KIAA1217: variants seen among roughly 807,000 people sequenced by gnomAD.
The protein encoded by KIAA1217 is KIAA1217.
In KIAA1217, 88 loss-of-function variants were observed where a neutral mutation model predicts 163.9. The observed-to-expected ratio is 0.54, with a 90% CI of 0.45 to 0.64. The LOEUF (loss-of-function observed/expected upper bound fraction) is 0.64. KIAA1217 is among the 30% of genes least tolerant of loss of function. The pLI is 0.00. For missense variants in KIAA1217, 2,372 were observed against 2,475.0 expected, an observed-to-expected ratio of 0.96 and a Z score of 0.88; for synonymous variants, 903 against 923.1, an observed-to-expected ratio of 0.98 and a Z score of 0.39.
chr10:23,809,225 T>C (rs1289961522), intron 1 of KIAA1217, among the ~76,000 whole-genome samples: 1 of 151,848 alleles, frequency 6.6e-6, no homozygotes. Context: ...AAAAGTAATA[T>C]TGGAAACATT....
At chr10:24,244,561 C>CTTTTTTTTTTTTT (rs11318420) in intron 2 of KIAA1217, among the ~76,000 whole-genome samples, 21 of 85,256 alleles carry the variant, frequency 2.5e-4, no homozygotes, top group East Asian at 2.9e-4. Context: ...TTCTTTCTTT[C>CTTTTTTTTTTTTT]TTTTTTTTTT....
At chr10:24,267,798 T>G (rs1254368117) in intron 2 of KIAA1217, among the ~76,000 whole-genome samples, 3 of 152,248 alleles carry the variant, frequency 2.0e-5, no homozygotes, top group Non-Finnish European at 4.4e-5. Flanking sequence ...GGCATAGTAC[T>G]TGGTATGAGT....
At chr10:23,869,505 A>G (rs1257063238) in intron 1 of KIAA1217, among the ~76,000 whole-genome samples, 1 of 152,066 alleles carries the variant, frequency 6.6e-6, no homozygotes, top group Non-Finnish European at 1.5e-5. Context: ...ATCAGACCAG[A>G]TGGGACTTCT....
At chr10:23,707,670 C>A (rs1052053215) in intron 1 of KIAA1217, among the ~76,000 whole-genome samples, 1 of 152,124 alleles carries the variant, frequency 6.6e-6, no homozygotes, top group Non-Finnish European at 1.5e-5. Flanking sequence ...AAAGTCCGGA[C>A]TTTACCACTA....
At chr10:23,970,902 G>A (rs182941200) in intron 1 of KIAA1217, among the ~76,000 whole-genome samples, 3 of 152,290 alleles carry the variant, frequency 2.0e-5, no homozygotes, top group East Asian at 1.9e-4. Flanking sequence ...TTCAACTGAG[G>A]GGGGGATAAG....
intron 2 of KIAA1217, among the ~76,000 whole-genome samples, chr10:24,294,824 G>C (rs149918036): frequency 5.3e-4 from 80 of 152,312 alleles, no homozygotes; most frequent in African/African-American, 1.8e-3. Flanking sequence ...TGAAAGGCAA[G>C]TGCAATTCGG....
chr10:24,158,740 G>A (rs2064989592), intron 2 of KIAA1217: 2 of 497,378 alleles, frequency 4.0e-6, no homozygotes, highest in Non-Finnish European at 8.1e-6. Flanking sequence ...GGTTATTTCT[G>A]ACAGATGAAA....
chr10:24,498,965 A>G (rs2067166609), intron 8 of KIAA1217, among the ~76,000 whole-genome samples: 1 of 152,204 alleles, frequency 6.6e-6, no homozygotes, highest in Non-Finnish European at 1.5e-5. Context: ...TGTAAGGAGA[A>G]AGAGGTATAG....
intron 6 of KIAA1217, among the ~76,000 whole-genome samples, chr10:24,483,524 G>A (rs1248080843): frequency 6.6e-6 from 1 of 152,196 alleles, no homozygotes; most frequent in Non-Finnish European, 1.5e-5. Flanking sequence ...GCACTAGAGA[G>A]ACCAAATATA....
intron 2 of KIAA1217, among the ~76,000 whole-genome samples, chr10:24,098,019 G>A (rs1013701742): frequency 2.0e-5 from 3 of 151,950 alleles, no homozygotes; most frequent in South Asian, 2.1e-4. Flanking sequence ...TGGAGCTGCC[G>A]CTGATCTTTG....
At chr10:24,204,366 C>CAA (rs1288781760), upstream of KIAA1217, among the ~76,000 whole-genome samples, 14 of 152,268 alleles carry the variant, frequency 9.2e-5, no homozygotes, top group South Asian at 2.9e-3. Context: ...ATCTATGAGT[C>CAA]ATATAGAAAT....
In KIAA1217 at chr10:23,935,401, ATCT is replaced by A. The variant is rs556761476; in HGVS notation, c.-320-71819_-320-71817del. 1.4e-3 allele frequency among the ~76,000 whole-genome samples: 220 copies of A among 152,326 alleles called. 3 individuals are homozygous for A. The highest frequency in any genetic ancestry group is 4.9e-3 in the African/African-American group (203 of 41,576). ...GCATTTTGAAGAGCTGCTAGCAAAC[ATCT>A]TCTTTAAAGAAATGTATTTTGTCTG... On this transcript the variant is annotated intron_variant, in intron 1 of 18. Transcript: ENST00000376462.
At chr10:24,135,176 T>C (rs1250440539) in intron 2 of KIAA1217, among the ~76,000 whole-genome samples, 2 of 152,166 alleles carry the variant, frequency 1.3e-5, no homozygotes, top group African/African-American at 4.8e-5. Context: ...CACTCCCTTC[T>C]CTTTCCTCCA....
intron 13 of KIAA1217, 50 bp downstream of exon 13, chr10:24,524,814 T>C (rs556484654): frequency 2.1e-6 from 3 of 1,443,074 alleles, no homozygotes; most frequent in Admixed American, 2.1e-5. Context: ...GTCTGATACA[T>C]GGACCTTTCC....
intron 1 of KIAA1217, among the ~76,000 whole-genome samples, chr10:23,931,887 T>G (rs889663458): frequency 3.9e-5 from 6 of 152,068 alleles, no homozygotes; most frequent in African/African-American, 1.2e-4. Flanking sequence ...GATAATGCAG[T>G]CCTCCAGGGC....
upstream of KIAA1217, among the ~76,000 whole-genome samples, chr10:24,205,826 C>T (rs773264758): frequency 8.6e-5 from 13 of 151,856 alleles, no homozygotes; most frequent in Non-Finnish European, 1.8e-4. Context: ...AGGAAGTTGA[C>T]ATGCTTTCCA....
intron 1 of KIAA1217, among the ~76,000 whole-genome samples, chr10:23,953,486 T>C (rs1367625128): frequency 1.3e-5 from 2 of 152,236 alleles, no homozygotes; most frequent in Non-Finnish European, 2.9e-5. Flanking sequence ...TATGTTTCAT[T>C]GTCTAGAAAA....
intron 2 of KIAA1217, among the ~76,000 whole-genome samples, chr10:24,118,918 C>T (rs2063168929): frequency 6.6e-6 from 1 of 152,074 alleles, no homozygotes; most frequent in Non-Finnish European, 1.5e-5. Context: ...AAATATCACT[C>T]AAAGTAAGTA....
At chr10:23,904,617 T>G (rs1842078226) in intron 1 of KIAA1217, among the ~76,000 whole-genome samples, 1 of 152,092 alleles carries the variant, frequency 6.6e-6, no homozygotes, top group African/African-American at 2.4e-5. Context: ...CATGCATTGG[T>G]TCTTGAGTAC....
Sources: gnomAD v4.1 joint callset for allele counts (sites outside exome capture counted in the v4.1 genomes callset) on GRCh38, gnomAD v4.1.1 for gene constraint, MANE v1.5 for transcripts, NCBI Gene and HGNC (gene_info 2026-07-23, HGNC 2026-07-21) for gene names.